PRCP: variants seen among roughly 807,000 people sequenced by gnomAD.
PRCP encodes prolylcarboxypeptidase.
In PRCP, 46 loss-of-function variants were observed where a neutral mutation model predicts 54.2. That is an observed-to-expected ratio of 0.85 (90% CI 0.67 to 1.09). The LOEUF is 1.09. PRCP is among the 50% of genes least tolerant of loss of function. PRCP has a pLI of 0.00. For synonymous variants in PRCP, 240 were observed against 212.2 expected, an observed-to-expected ratio of 1.13 and a Z score of -1.14; for missense variants, 613 against 596.8, an observed-to-expected ratio of 1.03 and a Z score of -0.28.
intron 1 of PRCP, among the ~76,000 whole-genome samples, chr11:82,880,690 A>G (rs1293271077): frequency 6.6e-6 from 1 of 152,236 alleles, no homozygotes; most frequent in Non-Finnish European, 1.5e-5. Context: ...GTTTAGAAAC[A>G]CAGTCCAAAT....
intron 1 of PRCP, among the ~76,000 whole-genome samples, chr11:82,880,119 T>A (rs1240814710): frequency 6.6e-6 from 1 of 152,244 alleles, no homozygotes; most frequent in African/African-American, 2.4e-5. Context: ...TGTTCAGCTA[T>A]GCCCTGCCCC....
intron 2 of PRCP, among the ~76,000 whole-genome samples, chr11:82,857,952 G>A (rs1311240419): frequency 6.6e-6 from 1 of 152,088 alleles, no homozygotes; most frequent in Non-Finnish European, 1.5e-5. Context: ...CTGGTACTGT[G>A]CCGCAAAATT....
rs138789540 is a variant in PRCP at position 82,881,286 on chromosome 11, G to A, written c.168+18949C>T. 1.4e-4 allele frequency among the ~76,000 whole-genome samples: 22 copies of A among 152,248 alleles called. No individual in the cohort carries two copies. The East Asian group carries it at 1.5e-3, about 11-fold the overall frequency. On this transcript the variant is annotated intron_variant, in intron 1 of 8. Transcript: ENST00000313010. Reference sequence around the variant, plus strand: ...TAAGTGACCTGAACCATTATGCCCCGGTGAGTGTATTAATTCTCACTTAAT... The same window carrying A: ...TAAGTGACCTGAACCATTATGCCCCAGTGAGTGTATTAATTCTCACTTAAT...
intron 2 of PRCP, 147 bp from the exon 3 acceptor site, chr11:82,853,425 A>G (rs553903779): frequency 7.3e-6 from 4 of 550,618 alleles, no homozygotes; most frequent in African/African-American, 5.9e-5. Context: ...TTCCACAAAT[A>G]AATGACATAA....
At chr11:82,888,884 C>T (rs561864429) in intron 1 of PRCP, among the ~76,000 whole-genome samples, 1 of 152,052 alleles carries the variant, frequency 6.6e-6, no homozygotes, top group African/African-American at 2.4e-5. Context: ...AAATAATACT[C>T]TAGGAAAAAC....
chr11:82,826,382 T>A (rs1044842702), intron 8 of PRCP: 3 of 152,206 alleles, frequency 2.0e-5, no homozygotes, highest in Non-Finnish European at 4.4e-5. Context: ...TTGATGCACG[T>A]TTGTATTGTT....
At chr11:82,858,776 G>A (rs1314694712) in intron 2 of PRCP, 1 of 152,170 alleles carries the variant, frequency 6.6e-6, no homozygotes, top group Non-Finnish European at 1.5e-5. Context: ...GAATCTGATG[G>A]AAAGGAGATT....
In PRCP at chr11:82,824,954, C is replaced by T. The variant is rs746515533; in HGVS notation, c.1443G>A (p.Met481Ile). The T allele has an allele frequency of 1.3e-5, 21 of 1,613,988 alleles. No homozygotes were observed. Among genetic ancestry groups the T allele is most frequent in the African/African-American group, 2.7e-5 (2 of 74,916 alleles). Reference protein sequence around the residue: ...LLARSLEVRHMKNWIRDFYDS... With the variant: ...LLARSLEVRHIKNWIRDFYDS... ...CATAGAAATCTCTGATCCAATTCTT[C>T]ATATGTCTAACTTCCAAGGAGCGGG... The change falls in exon 9 of 9, where the codon ATG becomes ATA. Residue 481 changes from methionine to isoleucine, a missense_variant. Physicochemically the swap from Met to Ile is conservative, Grantham distance 10. Coordinates refer to ENST00000313010, the MANE Select transcript of PRCP (RefSeq NM_005040.4).
At chr11:82,854,785 A>T (rs1228084974) in intron 2 of PRCP, among the ~76,000 whole-genome samples, 1 of 152,248 alleles carries the variant, frequency 6.6e-6, no homozygotes, top group African/African-American at 2.4e-5. Flanking sequence ...CTGCAAGGCT[A>T]CAATAACCAA....
intron 1 of PRCP, among the ~76,000 whole-genome samples, chr11:82,866,491 GC>G (rs1859338931): frequency 6.6e-6 from 1 of 152,072 alleles, no homozygotes; most frequent in African/African-American, 2.4e-5. Flanking sequence ...TGACTCCTAT[GC>G]TTTTTTTTTC....
At chr11:82,841,217 C>A (rs1858659265) in intron 6 of PRCP, among the ~76,000 whole-genome samples, 1 of 150,292 alleles carries the variant, frequency 6.7e-6, no homozygotes, top group South Asian at 2.1e-4. Flanking sequence ...AAGGATGCAA[C>A]CAAACCCAGC....
intron 1 of PRCP, among the ~76,000 whole-genome samples, chr11:82,878,966 T>C (rs78861040): frequency 6.6e-6 from 1 of 152,338 alleles, no homozygotes; most frequent in East Asian, 1.9e-4. Flanking sequence ...ACCCTTAATA[T>C]TTTTTCCTTC....
chr11:82,832,599 T>A (rs1858416032), intron 8 of PRCP, among the ~76,000 whole-genome samples: 1 of 152,264 alleles, frequency 6.6e-6, no homozygotes, highest in Non-Finnish European at 1.5e-5. Context: ...AGATTCTAGA[T>A]ATTAGCCCTT....
chr11:82,879,836 G>A (rs796757021), intron 1 of PRCP, among the ~76,000 whole-genome samples: 23 of 152,326 alleles, frequency 1.5e-4, no homozygotes, highest in African/African-American at 5.5e-4. Context: ...CACCAGCGGA[G>A]GCTGCAAAAC....
In PRCP at chr11:82,824,960, T is replaced by A; in HGVS notation, c.1437A>T (p.Arg479Ser). ...SVLLARSLEV[R>S]HMKNWIRDFY... ...AATCTCTGATCCAATTCTTCATATG[T>A]CTAACTTCCAAGGAGCGGGCTAACA... is the stretch of plus-strand genomic sequence containing the variant. The change falls in exon 9 of 9, where the codon AGA becomes AGT. Residue 479 changes from arginine to serine, a missense_variant. Physicochemically the swap from Arg to Ser is moderately radical, Grantham distance 110. Transcript: ENST00000313010. The A allele has an allele frequency of 1.2e-6, 2 of 1,614,140 alleles. No individual in the cohort carries two copies. The highest frequency in any genetic ancestry group is 1.7e-6 in the Non-Finnish European group (2 of 1,179,986).
intron 8 of PRCP, chr11:82,836,322 G>A (rs1858525003): frequency 1.3e-5 from 2 of 153,164 alleles, no homozygotes; most frequent in South Asian, 4.1e-4. Context: ...CATATAAGGA[G>A]CTACTGGATC....
At position 82,823,356 on chromosome 11, in the gene PRCP, C is replaced by G. The variant is rs1414871593; in HGVS notation, c.*1550G>C. On this transcript the variant is annotated 3_prime_UTR_variant, in exon 9 of 9. Transcript: ENST00000313010. Reference sequence around the variant, plus strand: ...TATTGTTTTGGCCCTTAAATTCCCACCCAAATCGATTGTTCTGTGATGCTG... The same window carrying G: ...TATTGTTTTGGCCCTTAAATTCCCAGCCAAATCGATTGTTCTGTGATGCTG... 6.6e-6 allele frequency: 1 copy of G among 152,130 alleles called. No individual in the cohort carries two copies. The highest frequency in any genetic ancestry group is 2.4e-5 in the African/African-American group (1 of 41,416). 9.4% of individuals were successfully genotyped at this position (152,130 alleles called of 1,614,324 possible). A position where few individuals can be genotyped will look rare whatever the true frequency, so the allele number is the denominator to read the frequency against.
At chr11:82,866,373 C>T (rs1205129750) in intron 1 of PRCP, among the ~76,000 whole-genome samples, 1 of 152,164 alleles carries the variant, frequency 6.6e-6, no homozygotes, top group Non-Finnish European at 1.5e-5. Context: ...GGGTGGAAGT[C>T]CTCTCAGAGA....
chr11:82,852,294 A>G (rs943340474), intron 3 of PRCP, among the ~76,000 whole-genome samples: 1 of 152,208 alleles, frequency 6.6e-6, no homozygotes, highest in Admixed American at 6.5e-5. Context: ...TATTTATAAT[A>G]TGAGATAGTA....
Sources: allele counts gnomAD v4.1 joint callset (sites outside exome capture counted in the v4.1 genomes callset), GRCh38; gene constraint gnomAD v4.1.1; transcripts MANE v1.5; gene names NCBI Gene and HGNC (gene_info 2026-07-23, HGNC 2026-07-21).